The following NSD2 variants were observed in gnomAD, a reference collection of about 807,000 sequenced individuals.
NSD2 encodes histone-lysine N-methyltransferase NSD2.
NSD2 carries 12 observed loss-of-function variants against 139.0 expected under a neutral mutation model. That is an observed-to-expected ratio of 0.09 (90% CI 0.06 to 0.14). The LOEUF is 0.14. Among genes scored for constraint, NSD2 ranks in the 10% least tolerant of loss-of-function variants. NSD2 has a pLI of 1.00. For missense variants in NSD2, 1,155 were observed against 1,745.0 expected, an observed-to-expected ratio of 0.66 and a Z score of 6.02; for synonymous variants, 669 against 648.7, an observed-to-expected ratio of 1.03 and a Z score of -0.48.
rs1727467093 is a variant in NSD2, at chr4:1,979,040, C to T, written c.*131C>T. ...CAGGACACAGACGTACAGGCCTCCT[C>T]GGGAGGGAGCGCCTCCCCACCACTG... is the stretch of plus-strand genomic sequence containing the variant. On this transcript the variant is annotated 3_prime_UTR_variant, in exon 22 of 22. Transcript: ENST00000508803. 2 of 1,199,494 alleles carry T rather than the reference C, an allele frequency of 1.7e-6. No homozygotes were observed. The highest frequency in any genetic ancestry group is 2.2e-6 in the Non-Finnish European group (2 of 899,514). 74.3% of individuals were successfully genotyped at this position (1,199,494 alleles called of 1,614,324 possible). A position where few individuals can be genotyped will look rare whatever the true frequency, so the allele number is the denominator to read the frequency against.
intron 5 of NSD2, among the ~76,000 whole-genome samples, chr4:1,923,989 A>G (rs1432556442): frequency 2.0e-5 from 3 of 152,198 alleles, no homozygotes; most frequent in Non-Finnish European, 2.9e-5. Flanking sequence ...CTGTGAAGGT[A>G]TGTGCCTCTC....
intron 9 of NSD2, chr4:1,947,622 G>A (rs1723767374): frequency 9.5e-7 from 1 of 1,055,374 alleles, no homozygotes; most frequent in Non-Finnish European, 1.1e-6. Flanking sequence ...AGACCTGTTT[G>A]AAATTAGTCT....
chr4:1,888,249 T>TA (rs1172441767), intron 1 of NSD2, among the ~76,000 whole-genome samples: 3 of 151,740 alleles, frequency 2.0e-5, no homozygotes, highest in Non-Finnish European at 4.4e-5. Context: ...CAGTCTCCAC[T>TA]AAAAATACAA....
At chr4:1,947,777 T>C (rs932109585) in intron 9 of NSD2, 14 of 1,048,726 alleles carry the variant, frequency 1.3e-5, no homozygotes, top group Middle Eastern at 4.3e-4. Flanking sequence ...ATAGAAATAT[T>C]TATTGTTCAA....
intron 9 of NSD2, chr4:1,947,134 C>T: frequency 9.4e-7 from 1 of 1,065,052 alleles, no homozygotes. Flanking sequence ...CAGTGCACAG[C>T]CTGCTGTCTG....
chr4:1,922,253 A>G (rs1289409324), intron 5 of NSD2, among the ~76,000 whole-genome samples: 1 of 152,242 alleles, frequency 6.6e-6, no homozygotes, highest in Non-Finnish European at 1.5e-5. Context: ...TTTAGAATTA[A>G]TAGAGTTCAC....
At chr4:1,885,122 A>T (rs1355999260) in intron 1 of NSD2, among the ~76,000 whole-genome samples, 1 of 148,778 alleles carries the variant, frequency 6.7e-6, no homozygotes, top group East Asian at 1.9e-4. Context: ...AAAAAAAAAA[A>T]TAAAAATAAA....
At chr4:1,916,619 G>A (rs1719436980) in intron 3 of NSD2, among the ~76,000 whole-genome samples, 1 of 152,240 alleles carries the variant, frequency 6.6e-6, no homozygotes, top group Non-Finnish European at 1.5e-5. Context: ...TGGGATTACA[G>A]GCGTGAGGGA....
intron 9 of NSD2, chr4:1,947,308 C>A: frequency 9.4e-7 from 1 of 1,062,202 alleles, no homozygotes. Flanking sequence ...CTCACTCTGG[C>A]CACAGGTGAC....
At chr4:1,902,147 G>T (rs1452783620) in intron 2 of NSD2, among the ~76,000 whole-genome samples, 1 of 152,014 alleles carries the variant, frequency 6.6e-6, no homozygotes, top group East Asian at 1.9e-4. Flanking sequence ...GAGCTTTGAG[G>T]GTTAAAAAAA....
chr4:1,938,333 TGAG>T (rs1377256829), intron 7 of NSD2, 115 bp from the exon 8 acceptor site: 8 of 877,832 alleles, frequency 9.1e-6, no homozygotes, highest in Middle Eastern at 3.7e-4. Flanking sequence ...TTCATTCACA[TGAG>T]GAGATTTTTT....
chr4:1,939,014 C>A (rs939424658), intron 8 of NSD2, among the ~76,000 whole-genome samples: 24 of 152,270 alleles, frequency 1.6e-4, no homozygotes, highest in African/African-American at 5.8e-4. Context: ...GGGGAAATTA[C>A]ACTTCCTTTT....
At chr4:1,909,829 T>TGG (rs1233782557) in intron 3 of NSD2, among the ~76,000 whole-genome samples, 1 of 151,880 alleles carries the variant, frequency 6.6e-6, no homozygotes, top group Non-Finnish European at 1.5e-5. Context: ...TTAGTAGAGC[T>TGG]GGGGTTTCAC....
chr4:1,950,977 G>T, intron 9 of NSD2, 95 bp from the exon 10 acceptor site: 1 of 1,511,504 alleles, frequency 6.6e-7, no homozygotes, highest in Non-Finnish European at 9.0e-7. Flanking sequence ...AGACTGGTGG[G>T]TGGTGGGGTG....
chr4:1,940,942 A>G (rs1283122620), intron 9 of NSD2: 9 of 1,056,994 alleles, frequency 8.5e-6, no homozygotes, highest in African/African-American at 3.3e-5. Context: ...CAGGGACTCA[A>G]ACCAACTCAG....
chr4:1,940,744 C>T, intron 9 of NSD2: 1 of 1,060,400 alleles, frequency 9.4e-7, no homozygotes, highest in Non-Finnish European at 1.1e-6. Context: ...GGCGGCACTT[C>T]TGGCCAGGTC....
chr4:1,932,439 CAAAAAA>C (rs776037394), intron 6 of NSD2, among the ~76,000 whole-genome samples: 1 of 65,394 alleles, frequency 1.5e-5, no homozygotes, highest in Non-Finnish European at 3.4e-5. Flanking sequence ...AGTCAATCTC[CAAAAAA>C]AAAAAAAAAA....
chr4:1,964,545 T>A (rs574087324), intron 18 of NSD2, among the ~76,000 whole-genome samples: 1 of 152,288 alleles, frequency 6.6e-6, no homozygotes, highest in South Asian at 2.1e-4. Context: ...GCAAGAAGGA[T>A]CCTTTTCTCC....
chr4:1,934,961 C>T (rs950209620), intron 6 of NSD2, among the ~76,000 whole-genome samples, 183 bp from the exon 7 acceptor site: 10 of 137,270 alleles, frequency 7.3e-5, no homozygotes, highest in African/African-American at 2.8e-4. Context: ...GATATAGTCA[C>T]CAGTTTTTTT....
Sources: allele counts gnomAD v4.1 joint callset (sites outside exome capture counted in the v4.1 genomes callset), GRCh38; gene constraint gnomAD v4.1.1; transcripts MANE v1.5; gene names NCBI Gene and HGNC (gene_info 2026-07-23, HGNC 2026-07-21).